The following LRRTM4 variants were observed in gnomAD, a reference collection of about 807,000 sequenced individuals.
LRRTM4 encodes the protein leucine-rich repeat transmembrane neuronal protein 4.
Under a neutral mutation model 47.6 loss-of-function variants are expected in LRRTM4, and 25 were observed. The ratio of observed to expected loss-of-function variants is 0.53; its 90% CI spans 0.38 to 0.73. LRRTM4 has a LOEUF of 0.73. Among genes scored for constraint, LRRTM4 ranks in the 30% least tolerant of loss-of-function variants. The pLI is 0.00. For missense variants in LRRTM4, 638 were observed against 713.4 expected, an observed-to-expected ratio of 0.89 and a Z score of 1.20; for synonymous variants, 311 against 269.5, an observed-to-expected ratio of 1.15 and a Z score of -1.51.
chr2:77,276,387 A>G (rs1230232548), intron 3 of LRRTM4, among the ~76,000 whole-genome samples: 1 of 141,728 alleles, frequency 7.1e-6, no homozygotes, highest in African/African-American at 2.7e-5. Context: ...GAAGGGAGGG[A>G]AGGAGGGAGG....
At chr2:77,139,381 T>C (rs1672048212) in intron 3 of LRRTM4, among the ~76,000 whole-genome samples, 2 of 152,284 alleles carry the variant, frequency 1.3e-5, no homozygotes, top group South Asian at 4.1e-4. Flanking sequence ...AGCCACATGA[T>C]TATCTCAATA....
In LRRTM4 at chr2:77,190,291, C is replaced by CT. The variant is rs143873795; in HGVS notation, c.1551+328026dup. Among the ~76,000 whole-genome samples, 171 of 103,890 alleles carry CT rather than the reference C, an allele frequency of 1.6e-3. 1 individual carries two copies. Among genetic ancestry groups the CT allele is most frequent in the South Asian group, 7.2e-3 (22 of 3,058 alleles). The allele number at this position is 103,890 out of a possible 152,430, so 68.2% of individuals were successfully genotyped here. ...GTTGTTCTAAACAGAGCATTTTCAT[C>CT]TTTTTTTTTTTTTTTTTTTTTGAGA... On this transcript the variant is annotated intron_variant, in intron 3 of 3. Coordinates refer to ENST00000409884, the MANE Select transcript of LRRTM4 (RefSeq NM_001134745.3).
chr2:77,430,862 C>CTGCTCTCAG (rs1205125546), intron 3 of LRRTM4, among the ~76,000 whole-genome samples: 1 of 148,478 alleles, frequency 6.7e-6, no homozygotes, highest in East Asian at 1.9e-4. Context: ...GGGGGAAGAT[C>CTGCTCTCAG]TGCTCTCAGT....
intron 3 of LRRTM4, among the ~76,000 whole-genome samples, chr2:77,150,639 C>T (rs1014059599): frequency 5.9e-5 from 9 of 151,956 alleles, no homozygotes; most frequent in African/African-American, 1.2e-4. Context: ...TAATATTCTC[C>T]GTAAATAATT....
chr2:77,479,373 A>T (rs914375892), intron 3 of LRRTM4, among the ~76,000 whole-genome samples: 4 of 152,196 alleles, frequency 2.6e-5, no homozygotes, highest in African/African-American at 9.7e-5. Context: ...TACTTCAGAA[A>T]TGAATATTTT....
At chr2:77,158,971 T>A (rs1045411004) in intron 3 of LRRTM4, among the ~76,000 whole-genome samples, 6 of 152,220 alleles carry the variant, frequency 3.9e-5, no homozygotes, top group African/African-American at 1.4e-4. Context: ...TTGATTCATA[T>A]GCTTGTTATA....
intron 3 of LRRTM4, among the ~76,000 whole-genome samples, chr2:77,414,670 T>G (rs1445884337): frequency 6.6e-6 from 1 of 152,242 alleles, no homozygotes; most frequent in Non-Finnish European, 1.5e-5. Flanking sequence ...AACCACACTT[T>G]CTTTGGAAAC....
chr2:76,805,287 T>C (rs924556864), intron 3 of LRRTM4, among the ~76,000 whole-genome samples: 1 of 152,140 alleles, frequency 6.6e-6, no homozygotes, highest in Non-Finnish European at 1.5e-5. Flanking sequence ...TTACTTATGA[T>C]GGAACCAAAA....
intron 3 of LRRTM4, among the ~76,000 whole-genome samples, chr2:77,256,773 A>G (rs1270032352): frequency 6.6e-6 from 1 of 151,778 alleles, no homozygotes; most frequent in African/African-American, 2.4e-5. Context: ...CAATTTGAGA[A>G]CATTTTATGT....
intron 3 of LRRTM4, among the ~76,000 whole-genome samples, chr2:77,249,701 C>T (rs1466339508): frequency 6.6e-6 from 1 of 152,132 alleles, no homozygotes; most frequent in Non-Finnish European, 1.5e-5. Flanking sequence ...AACAGTAACT[C>T]TCAATTATTG....
chr2:76,811,532 C>T (rs995310553), intron 3 of LRRTM4, among the ~76,000 whole-genome samples: 1 of 152,122 alleles, frequency 6.6e-6, no homozygotes, highest in Non-Finnish European at 1.5e-5. Context: ...GGCCATTCAT[C>T]TGATGGAAAA....
chr2:77,200,091 C>A (rs1337163617), intron 3 of LRRTM4, among the ~76,000 whole-genome samples: 2 of 151,894 alleles, frequency 1.3e-5, no homozygotes, highest in Non-Finnish European at 1.5e-5. Flanking sequence ...TCATACATTT[C>A]TTTTAGAAGG....
chr2:77,081,605 G>T (rs995180191), intron 3 of LRRTM4, among the ~76,000 whole-genome samples: 2 of 151,582 alleles, frequency 1.3e-5, no homozygotes, highest in African/African-American at 4.9e-5. Context: ...GTACATAGGT[G>T]ACTTTCTTCC....
chr2:77,025,297 C>T (rs1170493410), intron 3 of LRRTM4, among the ~76,000 whole-genome samples: 1 of 152,058 alleles, frequency 6.6e-6, no homozygotes, highest in Non-Finnish European at 1.5e-5. Flanking sequence ...AATCTAGATA[C>T]CCTCTTTTGC....
intron 3 of LRRTM4, among the ~76,000 whole-genome samples, chr2:76,848,110 T>C (rs1408463222): frequency 1.3e-5 from 2 of 152,138 alleles, no homozygotes; most frequent in Non-Finnish European, 2.9e-5. Flanking sequence ...CCTTAGATTC[T>C]TTGTGTGTGT....
At chr2:77,443,603 T>C (rs115943069) in intron 3 of LRRTM4, among the ~76,000 whole-genome samples, 2,800 of 152,220 alleles carry the variant, frequency 0.018, 90 homozygotes, top group African/African-American at 0.064. Flanking sequence ...TAATTACTAG[T>C]ATCACCTGCT....
At chr2:77,115,598 C>T (rs1345234866) in intron 3 of LRRTM4, among the ~76,000 whole-genome samples, 1 of 152,024 alleles carries the variant, frequency 6.6e-6, no homozygotes, top group African/African-American at 2.4e-5. Flanking sequence ...TGACTTCCCT[C>T]AACAGAAAGC....
intron 3 of LRRTM4, among the ~76,000 whole-genome samples, chr2:77,024,293 A>C (rs983452735): frequency 6.6e-6 from 1 of 152,096 alleles, no homozygotes; most frequent in Admixed American, 6.6e-5. Flanking sequence ...TGTTTCTATA[A>C]GTTTGACTTT....
intron 3 of LRRTM4, among the ~76,000 whole-genome samples, chr2:77,099,003 T>C (rs985152930): frequency 6.6e-6 from 1 of 151,932 alleles, no homozygotes; most frequent in East Asian, 1.9e-4. Context: ...AGTGGAACCA[T>C]GGAAAATTAT....
Sources: gnomAD v4.1 joint callset for allele counts (sites outside exome capture counted in the v4.1 genomes callset) on GRCh38, gnomAD v4.1.1 for gene constraint, MANE v1.5 for transcripts, NCBI Gene and HGNC (gene_info 2026-07-23, HGNC 2026-07-21) for gene names.